Variants in BRD4 observed in about 807,000 individuals in gnomAD.
The protein encoded by BRD4 is bromodomain-containing protein 4.
In BRD4, 16 loss-of-function variants were observed where a neutral mutation model predicts 142.1. The observed-to-expected ratio is 0.11, with a 90% CI of 0.08 to 0.17. The LOEUF is 0.17. BRD4 is among the 10% of genes least tolerant of loss of function. The probability of loss-of-function intolerance (pLI) is 1.00; values close to 1 mark genes in which losing one functional copy is unlikely to be tolerated. For synonymous variants in BRD4, 833 were observed against 707.5 expected (o/e 1.18, Z -2.82); for missense variants, 1,424 against 1,810.9 (o/e 0.79, Z 3.88).
At chr19:15,295,594 A>T (rs561665229) in intron 1 of BRD4, among the ~76,000 whole-genome samples, 1 of 152,344 alleles carries the variant, frequency 6.6e-6, no homozygotes, top group African/African-American at 2.4e-5. Context: ...ACTCTTTTTC[A>T]ATCATACTTC....
At chr19:15,246,178 A>C (rs2047284358) in intron 11 of BRD4, among the ~76,000 whole-genome samples, 1 of 152,198 alleles carries the variant, frequency 6.6e-6, no homozygotes, top group Non-Finnish European at 1.5e-5. Flanking sequence ...TCAGAGTATG[A>C]CATCTGATGA....
At position 15,274,468 on chromosome 19, in the gene BRD4, T is replaced by C. The variant is rs574221314; in HGVS notation, c.-34-1335A>G. ...CCAAGGAATGCCATTCAGTTTGGTT[T>C]CTATGATTAGATTTCTCCTAGAAAG... On this transcript the variant is annotated intron_variant, in intron 1 of 19. Transcript: ENST00000679869. Among the ~76,000 whole-genome samples, 19 of 152,316 alleles carry C rather than the reference T, an allele frequency of 1.2e-4. No individual in the cohort carries two copies. The South Asian group carries it at 2.9e-3, about 23-fold the overall frequency.
intron 1 of BRD4, among the ~76,000 whole-genome samples, chr19:15,300,497 G>C (rs983061666): frequency 1.3e-5 from 2 of 152,166 alleles, no homozygotes; most frequent in Admixed American, 6.5e-5. Flanking sequence ...AGAGGTTGCA[G>C]TGAGCAGAGA....
chr19:15,287,163 A>T (rs1031483157), intron 1 of BRD4, among the ~76,000 whole-genome samples: 3 of 152,204 alleles, frequency 2.0e-5, no homozygotes, highest in Non-Finnish European at 4.4e-5. Context: ...GGAAATCTCA[A>T]CACAGGATAC....
chr19:15,262,908 C>T (rs1336481277), intron 7 of BRD4, among the ~76,000 whole-genome samples: 2 of 152,144 alleles, frequency 1.3e-5, no homozygotes, highest in Admixed American at 1.3e-4. Context: ...CCCGCCCACA[C>T]GTGTACTTCA....
At chr19:15,264,348 G>C (rs1400852390) in intron 6 of BRD4, 56 bp downstream of exon 6, 8 of 1,544,730 alleles carry the variant, frequency 5.2e-6, no homozygotes, top group Non-Finnish European at 7.0e-6. Context: ...GGAAGGTTCT[G>C]ATGTGGAGGG....
intron 11 of BRD4, chr19:15,247,859 G>A (rs1017985950): frequency 8.7e-6 from 2 of 230,598 alleles, no homozygotes; most frequent in Admixed American, 1.1e-4. Flanking sequence ...AGGAACTCCT[G>A]AGCATCAATG....
At position 15,264,703 on chromosome 19, in the gene BRD4, C is replaced by T. The variant is rs746511372; in HGVS notation, c.913G>A (p.Glu305Lys). Residue 305 changes from glutamate to lysine, a missense_variant, in exon 6 of 20, where the codon GAG becomes AAG. By Grantham distance (56) the Glu-to-Lys change is moderately conservative. Around this residue, in one of 16 missense-constraint regions of BRD4, gnomAD observed 86 missense variants for 79.9 expected, o/e 1.08. Transcript: ENST00000679869. ...TTPTTIDPIH[E>K]PPSLPPEPKT... ...GGCTCCGGGGGCAGCGAGGGTGGCT[C>T]GTGAATGGGGTCAATGGTGGTGGGG... The T allele has an allele frequency of 5.0e-6, 8 of 1,612,950 alleles. No individual in the cohort carries two copies. The highest frequency in any genetic ancestry group is 2.7e-5 in the African/African-American group (2 of 74,860).
intron 1 of BRD4, among the ~76,000 whole-genome samples, chr19:15,329,607 C>T (rs1386804811): frequency 2.6e-5 from 4 of 152,032 alleles, no homozygotes; most frequent in Non-Finnish European, 5.9e-5. Context: ...GGCGTGGCGG[C>T]GCGTGCCTGT....
rs186867394 is a variant in BRD4, at chr19:15,322,590, C to T, written c.-35+9700G>A. Among the ~76,000 whole-genome samples, 976 of 147,600 alleles carry T rather than the reference C, an allele frequency of 6.6e-3. 4 individuals are homozygous for T. Among genetic ancestry groups the T allele is most frequent in the Non-Finnish European group, 0.01 (695 of 67,208 alleles). On this transcript the variant is annotated intron_variant, in intron 1 of 19. Coordinates refer to ENST00000679869, the MANE Select transcript of BRD4 (RefSeq NM_001379291.1). ...AAAATTAGCCAGGCGTGGTGGCGGGCGCCTGTAGTCCCAGCACTTTGGGAG... is the reference window on the plus strand; with the variant it reads ...AAAATTAGCCAGGCGTGGTGGCGGGTGCCTGTAGTCCCAGCACTTTGGGAG...
At chr19:15,273,333 G>C (rs987484071) in intron 1 of BRD4, among the ~76,000 whole-genome samples, 200 bp from the exon 2 acceptor site, 2 of 152,176 alleles carry the variant, frequency 1.3e-5, no homozygotes, top group Admixed American at 1.3e-4. Flanking sequence ...CTCCAGCAGG[G>C]AGGAGACCAC....
intron 10 of BRD4, 27 bp downstream of exon 10, chr19:15,255,270 C>A: frequency 2.5e-6 from 4 of 1,595,514 alleles, no homozygotes; most frequent in African/African-American, 1.3e-5. Flanking sequence ...ACAGAAGGAA[C>A]CCCATGCCCA....
chr19:15,316,555 C>T (rs2048020032), intron 1 of BRD4, among the ~76,000 whole-genome samples: 1 of 152,002 alleles, frequency 6.6e-6, no homozygotes, highest in Admixed American at 6.6e-5. Flanking sequence ...CACACCATTC[C>T]ATTCCAGCCT....
chr19:15,316,548 A>ACCATT (rs1326250691), intron 1 of BRD4, among the ~76,000 whole-genome samples: 1 of 152,094 alleles, frequency 6.6e-6, no homozygotes, highest in Non-Finnish European at 1.5e-5. Context: ...CTGAGACCAC[A>ACCATT]CCATTCCATT....
At chr19:15,264,278 G>A (rs2047506358) in intron 6 of BRD4, 126 bp downstream of exon 6, 2 of 1,348,174 alleles carry the variant, frequency 1.5e-6, no homozygotes, top group East Asian at 2.4e-5. Context: ...CGAGTTGGCG[G>A]GAAAAATCCA....
chr19:15,324,518 T>C (rs1270672522), intron 1 of BRD4, among the ~76,000 whole-genome samples: 3 of 152,186 alleles, frequency 2.0e-5, no homozygotes. Flanking sequence ...AAAATTACTC[T>C]ACCAAACTTT....
chr19:15,237,774 C>T lies in BRD4; in HGVS notation c.*603G>A, dbSNP rs2047205273. 1 of 232,458 alleles carries T rather than the reference C, an allele frequency of 4.3e-6. No individual in the cohort carries two copies. Among genetic ancestry groups the T allele is most frequent in the African/African-American group, 2.2e-5 (1 of 45,230 alleles). The allele number at this position is 232,458 out of a possible 1,614,324, so 14.4% of individuals were successfully genotyped here. A position where few individuals can be genotyped will look rare whatever the true frequency, so the allele number is the denominator to read the frequency against. On this transcript the variant is annotated 3_prime_UTR_variant, in exon 20 of 20. Coordinates refer to ENST00000679869, the MANE Select transcript of BRD4 (RefSeq NM_001379291.1). The stretch of plus-strand genomic sequence containing the variant: ...ACACACACCTCCACGGCACTATTCC[C>T]TTTTGCACAAGCAAACACTTACAGA...
chr19:15,307,068 A>G (rs942737938), intron 1 of BRD4, among the ~76,000 whole-genome samples: 3 of 152,238 alleles, frequency 2.0e-5, no homozygotes, highest in African/African-American at 7.2e-5. Context: ...CGGTAAACTC[A>G]AAATTCAGGA....
intron 1 of BRD4, among the ~76,000 whole-genome samples, chr19:15,309,140 T>C (rs1366065890): frequency 6.6e-6 from 1 of 152,038 alleles, no homozygotes; most frequent in Admixed American, 6.6e-5. Context: ...AAGACCATCC[T>C]GGCTAACACG....
Sources: allele counts gnomAD v4.1 joint callset (sites outside exome capture counted in the v4.1 genomes callset), GRCh38; gene constraint gnomAD v4.1.1; regional missense constraint gnomAD v4.1.1; transcripts MANE v1.5; gene names NCBI Gene and HGNC (gene_info 2026-07-23, HGNC 2026-07-21).